Variants in KANSL2 observed in about 807,000 individuals in gnomAD.
The protein encoded by KANSL2 is NSL complex protein NSL2.
KANSL2 carries 34 observed loss-of-function variants against 55.6 expected under a neutral mutation model. The ratio of observed to expected loss-of-function variants is 0.61; its 90% CI spans 0.46 to 0.81. KANSL2 has a LOEUF of 0.81. Ranked by LOEUF, KANSL2 falls within the 40% of genes least tolerant of loss-of-function variation. The pLI is 0.00. For synonymous variants in KANSL2, 209 were observed against 214.3 expected, an observed-to-expected ratio of 0.98 and a Z score of 0.22; for missense variants, 502 against 609.9, an observed-to-expected ratio of 0.82 and a Z score of 1.86.
At chr12:48,681,799 C>G (rs527672322) in intron 1 of KANSL2, 158 bp from the exon 2 acceptor site, 8 of 893,810 alleles carry the variant, frequency 9.0e-6, no homozygotes, top group African/African-American at 1.6e-5. Context: ...CCACAGGCAT[C>G]TGTGGCTTTG....
At chr12:48,670,949 G>C (rs1939701144) in intron 5 of KANSL2, among the ~76,000 whole-genome samples, 1 of 151,082 alleles carries the variant, frequency 6.6e-6, no homozygotes. Context: ...CAGTGACACA[G>C]CAAGATTCTG....
At chr12:48,655,121 T>G in intron 8 of KANSL2, 61 bp from the exon 9 acceptor site, 1 of 1,512,436 alleles carries the variant, frequency 6.6e-7, no homozygotes, top group South Asian at 1.2e-5. Context: ...AGTTGGCATG[T>G]TTTTCAGCAA....
At chr12:48,664,879 C>CTTTTTTTTTTTTTTTT (rs367566566) in intron 7 of KANSL2, among the ~76,000 whole-genome samples, 1 of 94,660 alleles carries the variant, frequency 1.1e-5, no homozygotes, top group Non-Finnish European at 2.1e-5. Context: ...ACTGCGCCCG[C>CTTTTTTTTTTTTTTTT]TTTTTTTTTT....
intron 8 of KANSL2, among the ~76,000 whole-genome samples, chr12:48,659,162 C>T (rs918894421): frequency 6.6e-5 from 10 of 151,938 alleles, no homozygotes; most frequent in Non-Finnish European, 1.2e-4. Context: ...GGCCTGCTGG[C>T]GCACACCTGT....
chr12:48,662,575 C>T, intron 7 of KANSL2: 1 of 1,284,810 alleles, frequency 7.8e-7, no homozygotes, highest in Non-Finnish European at 1.0e-6. Context: ...GAGTCTGGGT[C>T]CTTCACTTTC....
intron 7 of KANSL2, among the ~76,000 whole-genome samples, chr12:48,665,046 C>T (rs536428551): frequency 6.8e-6 from 1 of 146,410 alleles, no homozygotes; most frequent in Non-Finnish European, 1.5e-5. Context: ...ATTTTTCTTT[C>T]TTCTTTTTCT....
intron 9 of KANSL2, 116 bp downstream of exon 9, chr12:48,654,825 T>C (rs1321814033): frequency 1.9e-6 from 2 of 1,043,694 alleles, no homozygotes; most frequent in Admixed American, 5.3e-5. Context: ...GTGGAGCATC[T>C]TTATACTAGT....
intron 3 of KANSL2, chr12:48,679,368 A>G (rs1939880489): frequency 3.2e-6 from 2 of 629,446 alleles, no homozygotes; most frequent in Non-Finnish European, 5.6e-6. Flanking sequence ...ATGCCCTCTC[A>G]AACAGAAAAA....
At chr12:48,680,205 T>A (rs1939895682) in intron 2 of KANSL2, 1 of 166,312 alleles carries the variant, frequency 6.0e-6, no homozygotes, top group Non-Finnish European at 1.3e-5. Flanking sequence ...ACTATAGGCA[T>A]GCACCACTGT....
chr12:48,655,404 ACAAAAACTG>A (rs1472618928), intron 8 of KANSL2, among the ~76,000 whole-genome samples: 10 of 152,102 alleles, frequency 6.6e-5, no homozygotes, highest in African/African-American at 2.4e-5. Context: ...CCCCGTCTCT[ACAAAAACTG>A]CAAAAATAAG....
chr12:48,668,200 G>A (rs1272812251), intron 6 of KANSL2, among the ~76,000 whole-genome samples: 2 of 152,168 alleles, frequency 1.3e-5, no homozygotes, highest in Non-Finnish European at 2.9e-5. Context: ...ACATTCAATT[G>A]CTCCTATTCT....
chr12:48,682,203 C>A lies in KANSL2; in HGVS notation c.-26G>T, dbSNP rs1331462197. 1.5e-6 allele frequency: 1 copy of A among 665,674 alleles called. No homozygotes were observed. Among genetic ancestry groups the A allele is most frequent in the Non-Finnish European group, 2.7e-6 (1 of 365,900 alleles). The allele number at this position is 665,674 out of a possible 1,614,324, so 41.2% of individuals were successfully genotyped here. ...CCATCTTACCTCAGGAGCTGCGCTG[C>A]GCCGCACTCTGCCGCGCCGCTCGCC... On this transcript the variant is annotated 5_prime_UTR_variant, in exon 1 of 10. Coordinates refer to ENST00000420613, the MANE Select transcript of KANSL2 (RefSeq NM_017822.4).
intron 8 of KANSL2, among the ~76,000 whole-genome samples, chr12:48,659,385 A>C (rs1565604525): frequency 6.6e-6 from 1 of 152,156 alleles, no homozygotes; most frequent in Non-Finnish European, 1.5e-5. Context: ...GGATCACTTG[A>C]GGCCAAGGTA....
chr12:48,659,979 G>C (rs1359212790), intron 8 of KANSL2, among the ~76,000 whole-genome samples: 1 of 152,146 alleles, frequency 6.6e-6, no homozygotes, highest in Admixed American at 6.6e-5. Context: ...TCGTGGCCAG[G>C]GGCTGAGGGG....
intron 4 of KANSL2, among the ~76,000 whole-genome samples, chr12:48,673,000 C>A (rs988056064): frequency 6.6e-6 from 1 of 152,018 alleles, no homozygotes; most frequent in African/African-American, 2.4e-5. Context: ...TCAGATCGAT[C>A]TTCCAGCCTC....
chr12:48,679,021 G>T lies in KANSL2; in HGVS notation c.545+15C>A. On this transcript the variant is annotated intron_variant, in intron 4 of 9. Transcript: ENST00000420613. ...TAACTACATTTCAAATGCCTTATGTGGAGTTACAACTTACTTTAGGGGATC... is the reference window on the plus strand; with the variant it reads ...TAACTACATTTCAAATGCCTTATGTTGAGTTACAACTTACTTTAGGGGATC... 6.4e-7 allele frequency: 1 copy of T among 1,550,974 alleles called. No individual in the cohort carries two copies. The highest frequency in any genetic ancestry group is 8.9e-7 in the Non-Finnish European group (1 of 1,123,106).
intron 3 of KANSL2, 152 bp from the exon 4 acceptor site, chr12:48,679,302 A>T: frequency 2.9e-6 from 2 of 696,564 alleles, no homozygotes; most frequent in Non-Finnish European, 2.5e-6. Context: ...GCAAATAAAA[A>T]CGCTTTAAGA....
intron 7 of KANSL2, among the ~76,000 whole-genome samples, chr12:48,666,194 G>C (rs1342378722): frequency 1.3e-5 from 2 of 152,028 alleles, no homozygotes; most frequent in Non-Finnish European, 2.9e-5. Context: ...TTGGGCAACA[G>C]AGTAAGACTC....
At chr12:48,675,459 T>C (rs1257353360) in intron 4 of KANSL2, among the ~76,000 whole-genome samples, 14 of 152,162 alleles carry the variant, frequency 9.2e-5, no homozygotes, top group Admixed American at 9.2e-4. Flanking sequence ...TTCAGAAAAA[T>C]GGGTTATGCC....
Sources: gnomAD v4.1 joint callset for allele counts (sites outside exome capture counted in the v4.1 genomes callset) on GRCh38, gnomAD v4.1.1 for gene constraint, MANE v1.5 for transcripts, NCBI Gene and HGNC (gene_info 2026-07-23, HGNC 2026-07-21) for gene names.